Variants in RNF216 observed in about 807,000 individuals in gnomAD.
The protein encoded by RNF216 is ring finger protein 216.
In RNF216, 72 loss-of-function variants were observed where a neutral mutation model predicts 110.8. That is an observed-to-expected ratio of 0.65 (90% confidence interval 0.54 to 0.79). The LOEUF is 0.79. Among genes scored for constraint, RNF216 ranks in the 30% least tolerant of loss-of-function variants. RNF216 has a pLI of 0.00. For synonymous variants in RNF216, 495 were observed against 407.5 expected (o/e 1.21, Z -2.59); for missense variants, 1,342 against 1,141.2 (o/e 1.18, Z -2.54).
chr7:5,681,969 G>C (rs1161222725), intron 13 of RNF216, among the ~76,000 whole-genome samples: 3 of 152,190 alleles, frequency 2.0e-5, no homozygotes, highest in African/African-American at 7.2e-5. Flanking sequence ...CTGTGCCACA[G>C]CAACCTTAGA....
intron 14 of RNF216, among the ~76,000 whole-genome samples, chr7:5,650,752 T>C (rs1367688536): frequency 1.3e-5 from 2 of 152,224 alleles, no homozygotes; most frequent in Admixed American, 6.5e-5. Context: ...GATTTGTAAT[T>C]AGACTGGGTC....
intron 13 of RNF216, among the ~76,000 whole-genome samples, chr7:5,710,597 T>C (rs1373710697): frequency 2.6e-5 from 4 of 152,208 alleles, no homozygotes; most frequent in African/African-American, 9.7e-5. Context: ...CCTTATATTT[T>C]ATCTCTCCCC....
At chr7:5,635,281 C>T (rs1034403655) in intron 15 of RNF216, among the ~76,000 whole-genome samples, 1 of 150,304 alleles carries the variant, frequency 6.7e-6, no homozygotes, top group Admixed American at 6.6e-5. Context: ...ACCCACCCCA[C>T]TAACTTCACT....
intron 1 of RNF216, chr7:5,777,471 CAA>C (rs1196175078): frequency 1.3e-5 from 2 of 152,266 alleles, no homozygotes; most frequent in East Asian, 3.9e-4. Context: ...TGCCAGGAAA[CAA>C]GAGCCAACAG....
At chr7:5,660,316 G>T (rs1271250923) in intron 13 of RNF216, among the ~76,000 whole-genome samples, 1 of 67,678 alleles carries the variant, frequency 1.5e-5, no homozygotes. Flanking sequence ...TTTTTGAGAT[G>T]GAGTCTCGCT....
intron 7 of RNF216, among the ~76,000 whole-genome samples, chr7:5,728,442 T>C (rs1026597120): frequency 4.0e-5 from 6 of 151,872 alleles, no homozygotes; most frequent in African/African-American, 1.5e-4. Context: ...GGCGCGGTGG[T>C]GAGCACCTAC....
intron 2 of RNF216, among the ~76,000 whole-genome samples, chr7:5,759,933 G>T (rs955188008): frequency 7.2e-5 from 11 of 151,976 alleles, no homozygotes; most frequent in Admixed American, 2.6e-4. Flanking sequence ...GCCTGGCCTG[G>T]GGGAGTCATT....
In RNF216 at chr7:5,641,259, G is replaced by A. The variant is rs763173252; in HGVS notation, c.2277C>T (p.Leu759=). The A allele has an allele frequency of 3.7e-6, 6 of 1,614,160 alleles. No individual in the cohort carries two copies. The highest frequency in any genetic ancestry group is 1.3e-5 in the African/African-American group (1 of 75,040). ...SCRCGAQMCY[L]CRVSINGYDH... Reference sequence around the variant, plus strand: ...CATATCCATTAATAGAAACTCGACAGAGGTAGCACATCTGGGCACCACAGC... The same window carrying A: ...CATATCCATTAATAGAAACTCGACAAAGGTAGCACATCTGGGCACCACAGC... The change falls in exon 15 of 17, where the codon CTC becomes CTT. Residue 759 remains leucine (L), a synonymous_variant. Coordinates refer to ENST00000389902, the MANE Select transcript of RNF216 (RefSeq NM_207111.4).
intron 15 of RNF216, among the ~76,000 whole-genome samples, chr7:5,636,198 T>C (rs1040842933): frequency 6.6e-6 from 1 of 152,216 alleles, no homozygotes; most frequent in Non-Finnish European, 1.5e-5. Flanking sequence ...CTTCCCCTAC[T>C]GCAAAATAAC....
At chr7:5,763,180 T>C (rs144835691) in intron 1 of RNF216, among the ~76,000 whole-genome samples, 49 of 152,204 alleles carry the variant, frequency 3.2e-4, no homozygotes, top group African/African-American at 6.3e-4. Flanking sequence ...AGGGAGTGGG[T>C]AGATTAACTG....
rs1042844767 is a variant in RNF216, at chr7:5,621,364, G to A, written c.*1496C>T. The A allele has an allele frequency of 2.6e-5, 4 of 152,112 alleles. No individual in the cohort carries two copies. The highest frequency in any genetic ancestry group is 9.7e-5 in the African/African-American group (4 of 41,416). 9.4% of individuals were successfully genotyped at this position (152,112 alleles called of 1,614,324 possible). On this transcript the variant is annotated 3_prime_UTR_variant, in exon 17 of 17. Transcript: ENST00000389902. ...TAATTTTGTATTTTTAGTAGAGACG[G>A]GGACTCAAACTCCCGACCTCAACTC... is the stretch of plus-strand genomic sequence containing the variant.
At chr7:5,627,583 T>C (rs1786791074) in intron 15 of RNF216, among the ~76,000 whole-genome samples, 2 of 152,040 alleles carry the variant, frequency 1.3e-5, no homozygotes, top group South Asian at 4.1e-4. Context: ...CTGTCTCTAC[T>C]AACAATACAA....
rs926054872 is a variant in RNF216 at position 5,755,839 on chromosome 7, G to A, written c.68-2860C>T. ...ATGCTGAGTCATGGGGTAAGCATAT[G>A]CTCCATTTTGGCAGATAACACTAAA... On this transcript the variant is annotated intron_variant, in intron 2 of 16. Coordinates refer to ENST00000389902, the MANE Select transcript of RNF216 (RefSeq NM_207111.4). 1.1e-4 allele frequency among the ~76,000 whole-genome samples: 16 copies of A among 152,242 alleles called. No individual in the cohort carries two copies. The South Asian group carries it at 3.1e-3, about 30-fold the overall frequency.
chr7:5,695,240 G>A (rs1485526383), intron 13 of RNF216, among the ~76,000 whole-genome samples: 4 of 152,158 alleles, frequency 2.6e-5, no homozygotes, highest in African/African-American at 9.7e-5. Flanking sequence ...TGCAAGTCAA[G>A]AGTACCAAAT....
intron 4 of RNF216, among the ~76,000 whole-genome samples, chr7:5,740,104 C>CTTTTTTTTTTTTTTT (rs71004698): frequency 1.5e-4 from 18 of 118,486 alleles, no homozygotes; most frequent in South Asian, 2.7e-4. Context: ...GATGTAACAC[C>CTTTTTTTTTTTTTTT]TTTTTTTTTT....
At chr7:5,760,679 C>T (rs1288562902) in intron 2 of RNF216, among the ~76,000 whole-genome samples, 1 of 152,154 alleles carries the variant, frequency 6.6e-6, no homozygotes, top group Non-Finnish European at 1.5e-5. Flanking sequence ...AACATAAAGG[C>T]CTAGTGGAGC....
At chr7:5,755,835 A>G (rs912749728) in intron 2 of RNF216, among the ~76,000 whole-genome samples, 6 of 152,168 alleles carry the variant, frequency 3.9e-5, no homozygotes, top group Non-Finnish European at 8.8e-5. Context: ...TGGGGTAAGC[A>G]TATGCTCCAT....
At chr7:5,628,125 C>T (rs954487316) in intron 15 of RNF216, among the ~76,000 whole-genome samples, 1 of 152,144 alleles carries the variant, frequency 6.6e-6, no homozygotes, top group Non-Finnish European at 1.5e-5. Context: ...ATAAAAGTGT[C>T]GCATCCTCAC....
rs1793577058 is a variant in RNF216, at chr7:5,723,626, G to A, written c.1504+1698C>T. On this transcript the variant is annotated intron_variant, in intron 8 of 16. Coordinates refer to ENST00000389902, the MANE Select transcript of RNF216 (RefSeq NM_207111.4). ...TGCGCCACTGCACTCCAGCCTGGGCGACAGAGCAAGACTCCGTCTCAAAAA... is the reference window on the plus strand; with the variant it reads ...TGCGCCACTGCACTCCAGCCTGGGCAACAGAGCAAGACTCCGTCTCAAAAA... Among the ~76,000 whole-genome samples the A allele has an allele frequency of 2.6e-5, 4 of 151,082 alleles. No individual in the cohort carries two copies. In the South Asian group the frequency reaches 6.3e-4, roughly 24 times the overall value.
Sources: allele counts gnomAD v4.1 joint callset (sites outside exome capture counted in the v4.1 genomes callset), GRCh38; gene constraint gnomAD v4.1.1; transcripts MANE v1.5; gene names NCBI Gene and HGNC (gene_info 2026-07-23, HGNC 2026-07-21).